The following ZNF280D variants were observed in gnomAD, a reference collection of about 807,000 sequenced individuals.
The protein encoded by ZNF280D is suppressor of hairy wing homolog 4.
In ZNF280D, 39 loss-of-function variants were observed where a neutral mutation model predicts 94.7. That is an observed-to-expected ratio of 0.41 (90% CI 0.32 to 0.54). The LOEUF is 0.54. Ranked by LOEUF, ZNF280D falls within the 20% of genes least tolerant of loss-of-function variation. ZNF280D has a pLI of 0.22. For missense variants in ZNF280D, 1,090 were observed against 1,149.3 expected (o/e 0.95, Z 0.75); for synonymous variants, 398 against 377.6 (o/e 1.05, Z -0.63).
At chr15:56,684,231 G>T (rs1474508688) in intron 9 of ZNF280D, among the ~76,000 whole-genome samples, 3 of 152,100 alleles carry the variant, frequency 2.0e-5, no homozygotes, top group African/African-American at 7.2e-5. Context: ...CCTCCTAAAA[G>T]GAACTTGTAT....
intron 9 of ZNF280D, among the ~76,000 whole-genome samples, chr15:56,685,935 T>G (rs2055976530): frequency 6.6e-6 from 1 of 152,134 alleles, no homozygotes; most frequent in Non-Finnish European, 1.5e-5. Context: ...AAATCAACTT[T>G]GCTAAAAGCA....
intron 1 of ZNF280D, among the ~76,000 whole-genome samples, chr15:56,728,301 T>C (rs1002998390): frequency 6.6e-6 from 1 of 152,152 alleles, no homozygotes; most frequent in African/African-American, 2.4e-5. Flanking sequence ...ATTACAGGCA[T>C]AAGCCACCAC....
rs375866612 is a variant in ZNF280D, at chr15:56,631,726, T to C, written c.2712A>G (p.Glu904=). The change falls in exon 22 of 22, where the codon GAA becomes GAG. Residue 904 remains glutamate (E), a synonymous_variant. Transcript: ENST00000267807. ...GCTCGCTAACATCAGAACTAACAGA[T>C]TCAGGTTCATGTCTTTTTCTCAAAA... The part of the protein sequence containing the change: ...DQFLRKRHEP[E]SVSSDVSEQG... 1.2e-5 allele frequency: 19 copies of C among 1,614,048 alleles called. No homozygotes were observed. The highest frequency in any genetic ancestry group is 1.6e-5 in the Non-Finnish European group (19 of 1,180,018).
At chr15:56,639,317 G>A (rs2140527162) in intron 20 of ZNF280D, among the ~76,000 whole-genome samples, 1 of 150,560 alleles carries the variant, frequency 6.6e-6, no homozygotes, top group East Asian at 1.9e-4. Flanking sequence ...TGATGCAGGA[G>A]GCTCAGTGTC....
chr15:56,640,474 A>G (rs553691382), intron 20 of ZNF280D, among the ~76,000 whole-genome samples: 1 of 152,254 alleles, frequency 6.6e-6, no homozygotes, highest in African/African-American at 2.4e-5. Flanking sequence ...TCAGAAAAAT[A>G]TTGAAAAATT....
intron 21 of ZNF280D, among the ~76,000 whole-genome samples, chr15:56,632,483 A>G (rs1396806641): frequency 6.9e-6 from 1 of 144,832 alleles, no homozygotes; most frequent in East Asian, 2.0e-4. Flanking sequence ...AAAAAAATCT[A>G]TATTTTTTTA....
At chr15:56,669,916 ATATATATATTATATATATATT>A (rs2054639125) in intron 13 of ZNF280D, among the ~76,000 whole-genome samples, 1 of 4,138 alleles carries the variant, frequency 2.4e-4, no homozygotes, top group African/African-American at 7.7e-4. Flanking sequence ...TATATATATT[ATATATATATTATATATATATT>A]ATATATATAT....
At chr15:56,652,975 CATT>C (rs2053298711) in intron 19 of ZNF280D, 1 of 913,454 alleles carries the variant, frequency 1.1e-6, no homozygotes, top group South Asian at 5.1e-5. Context: ...ATAAAATAGA[CATT>C]AATAAATTTT....
In ZNF280D at chr15:56,682,370, G is replaced by A. The variant is rs748649070; in HGVS notation, c.888C>T (p.Ile296=). 1 of 1,592,962 alleles carries A rather than the reference G, an allele frequency of 6.3e-7. No homozygotes were observed. The change falls in exon 10 of 22, where the codon ATC becomes ATT. Residue 296 remains isoleucine (I), a synonymous_variant. Coordinates refer to ENST00000267807, the MANE Select transcript of ZNF280D (RefSeq NM_017661.4). The part of the protein sequence containing the change: ...TTIDSEKGKL[I]MLVNDFYYGK... ...CATAATAAAAGTCATTAACTAACAT[G>A]ATCAATTTTCCTTTCTCTGAATCAA...
At chr15:56,675,475 G>A (rs1335356497) in intron 13 of ZNF280D, among the ~76,000 whole-genome samples, 1 of 151,604 alleles carries the variant, frequency 6.6e-6, no homozygotes, top group Non-Finnish European at 1.5e-5. Flanking sequence ...AACAAACAGT[G>A]ATCTATTCCA....
At chr15:56,725,090 T>C (rs1266142295) in intron 1 of ZNF280D, 1 of 263,702 alleles carries the variant, frequency 3.8e-6, no homozygotes, top group Non-Finnish European at 7.7e-6. Context: ...CCCTCCAGGC[T>C]TAGCTTCTTA....
chr15:56,654,983 T>G (rs1197874421), intron 17 of ZNF280D: 1 of 220,502 alleles, frequency 4.5e-6, no homozygotes, highest in Non-Finnish European at 9.5e-6. Flanking sequence ...ACTTAGAATC[T>G]GGTGTTTTAT....
intron 1 of ZNF280D, among the ~76,000 whole-genome samples, chr15:56,723,310 T>A (rs1265307868): frequency 1.3e-5 from 2 of 152,208 alleles, no homozygotes; most frequent in Admixed American, 6.5e-5. Flanking sequence ...AGCAATTTTT[T>A]AAAATGAAGT....
intron 10 of ZNF280D, among the ~76,000 whole-genome samples, chr15:56,681,857 C>G (rs1172044348): frequency 6.6e-6 from 1 of 151,944 alleles, no homozygotes; most frequent in East Asian, 1.9e-4. Context: ...AAAATTTGAG[C>G]ATTACATAGA....
chr15:56,714,489 A>C (rs1197363901), intron 1 of ZNF280D, among the ~76,000 whole-genome samples: 1 of 152,214 alleles, frequency 6.6e-6, no homozygotes, highest in Non-Finnish European at 1.5e-5. Flanking sequence ...TATATATTTG[A>C]GAATCTTAAC....
At chr15:56,709,201 T>C (rs1427583248) in intron 1 of ZNF280D, among the ~76,000 whole-genome samples, 6 of 152,258 alleles carry the variant, frequency 3.9e-5, no homozygotes, top group Admixed American at 2.6e-4. Flanking sequence ...GGGCAAAGGA[T>C]ATGAACAGAC....
chr15:56,710,280 T>C (rs1307347256), intron 1 of ZNF280D, among the ~76,000 whole-genome samples: 1 of 152,196 alleles, frequency 6.6e-6, no homozygotes, highest in Non-Finnish European at 1.5e-5. Flanking sequence ...GGCACACGCC[T>C]GTAGTCCCAG....
At chr15:56,677,522 C>CA (rs1185047768) in intron 12 of ZNF280D, 52 bp downstream of exon 12, 8 of 1,379,754 alleles carry the variant, frequency 5.8e-6, no homozygotes, top group Admixed American at 5.2e-5. Flanking sequence ...ATTTTATAAC[C>CA]AAAACAACAA....
intron 1 of ZNF280D, chr15:56,732,904 G>C (rs567713844): frequency 6.6e-6 from 1 of 152,354 alleles, no homozygotes; most frequent in Admixed American, 6.5e-5. Flanking sequence ...TTCTATGGCA[G>C]AGGAGGGGAG....
Sources: allele counts gnomAD v4.1 joint callset (sites outside exome capture counted in the v4.1 genomes callset), GRCh38; gene constraint gnomAD v4.1.1; transcripts MANE v1.5; gene names NCBI Gene and HGNC (gene_info 2026-07-23, HGNC 2026-07-21).